The following LRRC4C variants were observed in gnomAD, a reference collection of about 807,000 sequenced individuals.
The protein encoded by LRRC4C is leucine rich repeat containing 4C, also known as leucine-rich repeat-containing protein 4C.
In LRRC4C, 5 loss-of-function variants were observed where a neutral mutation model predicts 33.6. That is an observed-to-expected ratio of 0.15 (90% CI 0.08 to 0.31). LRRC4C has a LOEUF of 0.31. Ranked by LOEUF, LRRC4C falls within the 10% of genes least tolerant of loss-of-function variation. The probability of loss-of-function intolerance (pLI) is 1.00; values close to 1 mark genes in which losing one functional copy is unlikely to be tolerated. For synonymous variants in LRRC4C, 329 were observed against 302.0 expected (o/e 1.09, Z -0.93); for missense variants, 560 against 796.7 (o/e 0.70, Z 3.58).
At chr11:40,918,869 T>A (rs1370259280) in intron 2 of LRRC4C, among the ~76,000 whole-genome samples, 3 of 152,154 alleles carry the variant, frequency 2.0e-5, no homozygotes, top group Admixed American at 1.3e-4. Flanking sequence ...TTATATTCTT[T>A]CTGGGTACTT....
At chr11:40,367,814 A>G (rs1036339201) in intron 3 of LRRC4C, among the ~76,000 whole-genome samples, 1 of 152,068 alleles carries the variant, frequency 6.6e-6, no homozygotes, top group Non-Finnish European at 1.5e-5. Flanking sequence ...CTAGCTTATT[A>G]TGCAAGTTAC....
chr11:41,137,853 G>T (rs561121401), intron 1 of LRRC4C, among the ~76,000 whole-genome samples: 1 of 152,290 alleles, frequency 6.6e-6, no homozygotes, highest in East Asian at 1.9e-4. Flanking sequence ...ATCTGAAGCA[G>T]AAATTATGGC....
At chr11:40,266,342 C>T (rs182173472) in intron 4 of LRRC4C, among the ~76,000 whole-genome samples, 1 of 151,656 alleles carries the variant, frequency 6.6e-6, no homozygotes, top group African/African-American at 2.4e-5. Context: ...AAGGCGGCGG[C>T]GAATGTGGTG....
chr11:40,207,911 A>C (rs1467677979), intron 5 of LRRC4C, among the ~76,000 whole-genome samples: 1 of 152,150 alleles, frequency 6.6e-6, no homozygotes. Context: ...AGAGGTACAG[A>C]GCCTCAATGG....
At chr11:41,360,213 A>T (rs1262646317) in intron 1 of LRRC4C, among the ~76,000 whole-genome samples, 3 of 152,040 alleles carry the variant, frequency 2.0e-5, no homozygotes. Flanking sequence ...CAAACAGAAT[A>T]AAATCAAGTT....
rs550017373 is a variant in LRRC4C at position 40,956,361 on chromosome 11, T to C, written c.-495-22638A>G. On this transcript the variant is annotated intron_variant, in intron 1 of 6. Coordinates refer to ENST00000528697, the MANE Select transcript of LRRC4C (RefSeq NM_001258419.2). ...GCCTAAGTCTCAGTGATTTAGGTAG[T>C]GAGCATTGCAATTTGCTGGTAGACA... Among the ~76,000 whole-genome samples the C allele has an allele frequency of 4.5e-3, 676 of 151,362 alleles. 1 individual carries two copies. The highest frequency in any genetic ancestry group is 6.9e-3 in the Non-Finnish European group (465 of 67,800).
chr11:40,627,179 C>T (rs967956802), intron 3 of LRRC4C, among the ~76,000 whole-genome samples: 19 of 147,862 alleles, frequency 1.3e-4, no homozygotes, highest in Non-Finnish European at 2.2e-4. Flanking sequence ...ACATTTTATC[C>T]TAAGGGAAAT....
At chr11:40,933,332 CCA>C (rs926747005) in intron 2 of LRRC4C, among the ~76,000 whole-genome samples, 2 of 152,226 alleles carry the variant, frequency 1.3e-5, no homozygotes, top group East Asian at 3.8e-4. Context: ...TGCAGCAACC[CCA>C]CACTCACCAG....
At chr11:41,451,080 C>T (rs73475954) in intron 1 of LRRC4C, among the ~76,000 whole-genome samples, 1 of 152,084 alleles carries the variant, frequency 6.6e-6, no homozygotes, top group Admixed American at 6.6e-5. Context: ...AGGGAAAAAT[C>T]GGATTGTTTA....
intron 1 of LRRC4C, among the ~76,000 whole-genome samples, chr11:41,118,929 T>C (rs1048566654): frequency 6.6e-6 from 1 of 152,120 alleles, no homozygotes; most frequent in African/African-American, 2.4e-5. Context: ...CAAAAAATAG[T>C]TGTGCTCCTC....
At chr11:41,167,398 C>G (rs540067793) in intron 1 of LRRC4C, among the ~76,000 whole-genome samples, 5 of 152,246 alleles carry the variant, frequency 3.3e-5, no homozygotes, top group African/African-American at 9.6e-5. Context: ...GGAGAGAGAA[C>G]ATAGACTGCC....
intron 3 of LRRC4C, among the ~76,000 whole-genome samples, chr11:40,592,824 C>T (rs1565539273): frequency 1.3e-5 from 2 of 152,098 alleles, no homozygotes; most frequent in Non-Finnish European, 2.9e-5. Flanking sequence ...AAACATGAAC[C>T]AGCTCTACTG....
intron 3 of LRRC4C, among the ~76,000 whole-genome samples, chr11:40,394,982 AT>A (rs1949483548): frequency 1.3e-5 from 2 of 151,970 alleles, no homozygotes; most frequent in African/African-American, 4.8e-5. Context: ...AAACTGAATT[AT>A]TTTTTCCTGT....
intron 2 of LRRC4C, among the ~76,000 whole-genome samples, chr11:40,719,343 A>G (rs1270805676): frequency 6.6e-6 from 1 of 152,228 alleles, no homozygotes; most frequent in Admixed American, 6.5e-5. Context: ...ACAAAAGTCA[A>G]TTGTTCACTA....
chr11:40,323,538 C>T (rs1401598349), intron 3 of LRRC4C, among the ~76,000 whole-genome samples: 3 of 152,290 alleles, frequency 2.0e-5, no homozygotes, highest in Admixed American at 1.3e-4. Context: ...GCCATATTGA[C>T]ATCACCAGGG....
At chr11:40,208,075 A>G (rs1188144385) in intron 5 of LRRC4C, among the ~76,000 whole-genome samples, 1 of 152,218 alleles carries the variant, frequency 6.6e-6, no homozygotes, top group Non-Finnish European at 1.5e-5. Flanking sequence ...TCTAGAACAT[A>G]TCTGATTTCT....
chr11:41,365,994 A>C (rs773303916), intron 1 of LRRC4C, among the ~76,000 whole-genome samples: 6 of 152,178 alleles, frequency 3.9e-5, no homozygotes, highest in Non-Finnish European at 8.8e-5. Flanking sequence ...CAGTGAGACA[A>C]TATATGTATG....
intron 2 of LRRC4C, among the ~76,000 whole-genome samples, chr11:40,670,914 C>A (rs1028690402): frequency 6.6e-6 from 1 of 152,260 alleles, no homozygotes; most frequent in African/African-American, 2.4e-5. Flanking sequence ...TAGGTGCCCG[C>A]CACCACGCCC....
chr11:40,750,138 C>T (rs1182402039), intron 2 of LRRC4C, among the ~76,000 whole-genome samples: 4 of 152,068 alleles, frequency 2.6e-5, no homozygotes, highest in African/African-American at 9.7e-5. Flanking sequence ...AGGAGAATCA[C>T]TTGAACCCAG....
Sources: gnomAD v4.1 joint callset for allele counts (sites outside exome capture counted in the v4.1 genomes callset) on GRCh38, gnomAD v4.1.1 for gene constraint, MANE v1.5 for transcripts, NCBI Gene and HGNC (gene_info 2026-07-23, HGNC 2026-07-21) for gene names.